ANKRD29: variants seen among roughly 807,000 people sequenced by gnomAD.
ANKRD29 encodes the protein ankyrin repeat domain-containing protein 29.
A neutral mutation model predicts 38.0 loss-of-function variants in ANKRD29; 32 were observed. The observed-to-expected ratio is 0.84, with a 90% CI of 0.64 to 1.13. The LOEUF is 1.13. Among genes scored for constraint, ANKRD29 ranks in the 50% most tolerant of loss-of-function variants. The pLI is 0.00. For synonymous variants in ANKRD29, 135 were observed against 152.4 expected (o/e 0.89, Z 0.84); for missense variants, 357 against 377.9 (o/e 0.94, Z 0.46).
At chr18:23,623,013 G>A (rs1292529042) in intron 6 of ANKRD29, among the ~76,000 whole-genome samples, 1 of 152,216 alleles carries the variant, frequency 6.6e-6, no homozygotes, top group East Asian at 1.9e-4. Context: ...CTGAGTGAGT[G>A]TCCTCTTAGG....
At chr18:23,605,933 T>G (rs1385222533) in intron 9 of ANKRD29, among the ~76,000 whole-genome samples, 4 of 152,224 alleles carry the variant, frequency 2.6e-5, no homozygotes, top group Non-Finnish European at 5.9e-5. Context: ...CTGGTATTTT[T>G]GTAGAGTAAT....
Position 23,600,939 on chromosome 18 carries a change from A to G in ANKRD29, c.*287T>C. The G allele has an allele frequency of 3.8e-6, 1 of 263,070 alleles. No homozygotes were observed. The highest frequency in any genetic ancestry group is 7.5e-5 in the South Asian group (1 of 13,256). The allele number at this position is 263,070 out of a possible 1,614,324, so 16.3% of individuals were successfully genotyped here. On this transcript the variant is annotated 3_prime_UTR_variant, in exon 10 of 10. Coordinates refer to ENST00000592179, the MANE Select transcript of ANKRD29 (RefSeq NM_173505.4). ...GTTTAACTGACAGGTCCAAGTTAGC[A>G]TTGTTGAAAATGAGTTTCTGTGGAA... is the stretch of plus-strand genomic sequence containing the variant.
In ANKRD29 at chr18:23,601,040, G is replaced by A. The variant is rs2059505061; in HGVS notation, c.*186C>T. On this transcript the variant is annotated 3_prime_UTR_variant, in exon 10 of 10. Transcript: ENST00000592179. The stretch of plus-strand genomic sequence containing the variant: ...AAGTCCATGGTGAAGGGGCAAGAGG[G>A]TCCCTGAGCTGTTTGGTTCTTGACT... 1.8e-6 allele frequency: 1 copy of A among 545,912 alleles called. No individual in the cohort carries two copies. The highest frequency in any genetic ancestry group is 1.9e-5 in the African/African-American group (1 of 52,550). The allele number at this position is 545,912 out of a possible 1,614,324, so 33.8% of individuals were successfully genotyped here.
Position 23,612,092 on chromosome 18 carries a change from CT to C in ANKRD29, c.821del (p.Lys274ArgfsTer9), listed in dbSNP as rs1250565852. 1 of 1,613,110 alleles carries C rather than the reference CT, an allele frequency of 6.2e-7. No individual in the cohort carries two copies. The highest frequency in any genetic ancestry group is 1.7e-5 in the Admixed American group (1 of 59,974). On this transcript the variant is annotated frameshift_variant and splice_region_variant, in exon 9 of 10. Coordinates refer to ENST00000592179, the MANE Select transcript of ANKRD29 (RefSeq NM_173505.4). LOFTEE classifies it high-confidence loss of function. ...EAGADPSLRNKANELPAELTK... is the reference protein window; with the variant it reads ...EAGADPSLRNXANELPAELTK... ...AGTTAAAAGATTGCTTAGTGGGTAC[CT>C]TGTTTCTCAGGGATGGGTCTGCCCC...
intron 9 of ANKRD29, among the ~76,000 whole-genome samples, chr18:23,602,490 C>G (rs2059526850): frequency 6.6e-6 from 1 of 152,188 alleles, no homozygotes; most frequent in South Asian, 2.1e-4. Context: ...ATCCATTAGG[C>G]ATCTAGTGAA....
At chr18:23,648,906 T>G (rs1040442990) in intron 2 of ANKRD29, 177 bp downstream of exon 2, 1 of 526,244 alleles carries the variant, frequency 1.9e-6, no homozygotes, top group South Asian at 3.4e-5. Context: ...TCTTTCTGAC[T>G]TCCCCCAGCA....
chr18:23,628,763 G>A (rs1306328378), intron 6 of ANKRD29, among the ~76,000 whole-genome samples: 3 of 151,630 alleles, frequency 2.0e-5, no homozygotes, highest in Non-Finnish European at 4.4e-5. Context: ...GAACCCAGGA[G>A]GCGAAGGTTA....
At chr18:23,634,738 A>T (rs1056829928) in intron 4 of ANKRD29, among the ~76,000 whole-genome samples, 2 of 152,300 alleles carry the variant, frequency 1.3e-5, no homozygotes, top group South Asian at 4.1e-4. Flanking sequence ...TAATTTAGAA[A>T]ATTCCTATGC....
At chr18:23,630,283 C>T (rs556770718) in intron 5 of ANKRD29, among the ~76,000 whole-genome samples, 14 of 152,262 alleles carry the variant, frequency 9.2e-5, no homozygotes, top group Middle Eastern at 3.4e-3. Flanking sequence ...AATAATTAGC[C>T]AGGCGTGGTG....
chr18:23,648,712 C>T (rs779577911), intron 2 of ANKRD29: 43 of 397,558 alleles, frequency 1.1e-4, no homozygotes, highest in East Asian at 3.2e-4. Context: ...AGAAACATAA[C>T]GCCCACATCC....
Sources: allele counts gnomAD v4.1 joint callset (sites outside exome capture counted in the v4.1 genomes callset), GRCh38; gene constraint gnomAD v4.1.1; transcripts MANE v1.5; gene names NCBI Gene and HGNC (gene_info 2026-07-23, HGNC 2026-07-21).